The following ASCC3 variants were observed in gnomAD, a reference collection of about 807,000 sequenced individuals.
ASCC3 encodes activating signal cointegrator 1 complex subunit 3.
Under a neutral mutation model 256.3 loss-of-function variants are expected in ASCC3, and 158 were observed. That is an observed-to-expected ratio of 0.62 (90% CI 0.54 to 0.70). The LOEUF (loss-of-function observed/expected upper bound fraction) is 0.70, where lower values mean the gene tolerates loss of function less well. Among genes scored for constraint, ASCC3 ranks in the 30% least tolerant of loss-of-function variants. The pLI, the probability that ASCC3 is intolerant of heterozygous loss-of-function variation, is 0.00. For missense variants in ASCC3, 2,259 were observed against 2,626.0 expected (o/e 0.86, Z 3.05); for synonymous variants, 948 against 883.4 (o/e 1.07, Z -1.30).
At chr6:100,557,492 G>A (rs1038292325) in intron 36 of ASCC3, among the ~76,000 whole-genome samples, 2 of 151,878 alleles carry the variant, frequency 1.3e-5, no homozygotes, top group Admixed American at 6.6e-5. Context: ...ATAATAAAAC[G>A]TTTGCCTTGT....
intron 14 of ASCC3, among the ~76,000 whole-genome samples, chr6:100,672,262 C>T (rs951623303): frequency 1.8e-4 from 28 of 152,034 alleles, no homozygotes; most frequent in African/African-American, 6.3e-4. Flanking sequence ...GCTCCATAAG[C>T]GTAAAGGGAT....
rs562160641 is a variant in ASCC3 at position 100,635,272 on chromosome 6, A to T, written c.4122+3329T>A. Among the ~76,000 whole-genome samples, 5 of 152,286 alleles carry T rather than the reference A, an allele frequency of 3.3e-5. No individual in the cohort carries two copies. The South Asian group carries it at 1.0e-3, about 32-fold the overall frequency. On this transcript the variant is annotated intron_variant, in intron 25 of 41. Coordinates refer to ENST00000369162, the MANE Select transcript of ASCC3 (RefSeq NM_006828.4). ...TATTATTCAGCTTTAAAGAAGAATG[A>T]AATCAGCCATTTTCAACAATATAGA...
At chr6:100,557,602 G>A (rs368707134) in intron 36 of ASCC3, among the ~76,000 whole-genome samples, 115 of 149,718 alleles carry the variant, frequency 7.7e-4, no homozygotes, top group Middle Eastern at 3.4e-3. Context: ...TTTTACAGTT[G>A]CTGTTTACCT....
chr6:100,800,753 G>C (rs6921505), intron 5 of ASCC3, among the ~76,000 whole-genome samples: 147,876 of 151,896 alleles, frequency 0.97, 72,113 homozygotes, highest in East Asian at 1. Flanking sequence ...CAATGTCACT[G>C]ACATTATAAA....
At chr6:100,633,045 C>T (rs562062672) in intron 25 of ASCC3, among the ~76,000 whole-genome samples, 14 of 151,910 alleles carry the variant, frequency 9.2e-5, no homozygotes, top group Non-Finnish European at 1.9e-4. Flanking sequence ...AATGACAAAA[C>T]GAAAGAAAAT....
In ASCC3 at chr6:100,848,330, C is replaced by G. The variant is rs761598682; in HGVS notation, c.619G>C (p.Ala207Pro). ...ACAGGCTTGAGTTCTGGGGTGCAAG[C>G]CTCCTGGAGATGTTCATTCAGAAAC... ...KKFLNEHLQE[A>P]CTPELKPVEK... is the part of the protein sequence containing the mutation. The change falls in exon 4 of 42, where the codon GCT (alanine) becomes CCT (proline). Residue 207 changes from alanine to proline, a missense_variant. Physicochemically the swap from Ala to Pro is conservative, Grantham distance 27 (BLOSUM62 -1). Coordinates refer to ENST00000369162, the MANE Select transcript of ASCC3 (RefSeq NM_006828.4). 3 of 1,614,066 alleles carry G rather than the reference C, an allele frequency of 1.9e-6. No homozygotes were observed. Among genetic ancestry groups the G allele is most frequent in the Non-Finnish European group, 2.5e-6 (3 of 1,180,012 alleles).
chr6:100,745,945 A>G (rs1473617475), intron 10 of ASCC3, among the ~76,000 whole-genome samples: 1 of 151,966 alleles, frequency 6.6e-6, no homozygotes, highest in Non-Finnish European at 1.5e-5. Flanking sequence ...TTAGATATAT[A>G]TCTATCGACA....
intron 3 of ASCC3, 95 bp from the exon 4 acceptor site, chr6:100,848,802 A>T (rs768472317): frequency 9.1e-5 from 111 of 1,215,302 alleles, no homozygotes; most frequent in Non-Finnish European, 2.1e-5. Flanking sequence ...TCCTGAGTAA[A>T]TCTAACAGTC....
chr6:100,666,432 G>C (rs1326861608), intron 14 of ASCC3, among the ~76,000 whole-genome samples: 5 of 152,070 alleles, frequency 3.3e-5, no homozygotes, highest in Non-Finnish European at 4.4e-5. Context: ...TTTTGCATTT[G>C]CATCAGCATT....
intron 5 of ASCC3, among the ~76,000 whole-genome samples, chr6:100,802,951 T>C (rs771600431): frequency 1.3e-5 from 2 of 152,054 alleles, no homozygotes; most frequent in Non-Finnish European, 2.9e-5. Flanking sequence ...GAGGCTGCAG[T>C]GATCCCTGAT....
chr6:100,829,286 C>T (rs183564301), intron 4 of ASCC3, among the ~76,000 whole-genome samples: 270 of 152,212 alleles, frequency 1.8e-3, no homozygotes, highest in African/African-American at 6.3e-3. Flanking sequence ...CAGGGGGCGG[C>T]GCTCATGGAG....
At position 100,859,247 on chromosome 6, in the gene ASCC3, A is replaced by T. The variant is rs764823315; in HGVS notation, c.241+4817T>A. 7 of 778,850 alleles carry T rather than the reference A, an allele frequency of 9.0e-6. No individual in the cohort carries two copies. In the East Asian group the frequency reaches 1.7e-4, roughly 19 times the overall value. The allele number at this position is 778,850 out of a possible 1,614,324, so 48.2% of individuals were successfully genotyped here. A position where few individuals can be genotyped will look rare whatever the true frequency, so the allele number is the denominator to read the frequency against. On this transcript the variant is annotated intron_variant, in intron 3 of 41. Coordinates refer to ENST00000369162, the MANE Select transcript of ASCC3 (RefSeq NM_006828.4). The stretch of plus-strand genomic sequence containing the variant: ...ATGCCAGGATCACATTTTCTGGGTT[A>T]ATTTCTGCTTCCACATCTTGGCCCC...
rs191381648 is a variant in ASCC3, at chr6:100,606,609, G to A, written c.5044+131C>T. On this transcript the variant is annotated intron_variant, in intron 32 of 41. Coordinates refer to ENST00000369162, the MANE Select transcript of ASCC3 (RefSeq NM_006828.4). ...AACTGAAAACAAAAAGTCTATAATT[G>A]CTTATCATCTGTTTAAATGTGACCA... is the stretch of plus-strand genomic sequence containing the variant. The A allele has an allele frequency of 7.6e-3, 7,654 of 1,008,298 alleles. 41 individuals carry two copies. Among genetic ancestry groups the A allele is most frequent in the Non-Finnish European group, 8.7e-3 (6,187 of 712,708 alleles). The allele number at this position is 1,008,298 out of a possible 1,614,324, so 62.5% of individuals were successfully genotyped here.
chr6:100,561,098 A>T (rs1032995295), intron 36 of ASCC3, among the ~76,000 whole-genome samples: 1 of 151,522 alleles, frequency 6.6e-6, no homozygotes, highest in African/African-American at 2.4e-5. Context: ...GATGTGGTGG[A>T]TATCTGTAGA....
At chr6:100,628,730 C>T (rs1036690908) in intron 27 of ASCC3, among the ~76,000 whole-genome samples, 1 of 152,016 alleles carries the variant, frequency 6.6e-6, no homozygotes, top group African/African-American at 2.4e-5. Flanking sequence ...GCCAATTAAA[C>T]CTCTTTTTAA....
chr6:100,756,317 G>T (rs9322174), intron 10 of ASCC3, among the ~76,000 whole-genome samples: 3 of 151,764 alleles, frequency 2.0e-5, no homozygotes, highest in Admixed American at 1.3e-4. Context: ...CTTCCTTAGA[G>T]GTAATGTATG....
intron 13 of ASCC3, among the ~76,000 whole-genome samples, chr6:100,693,931 T>G (rs1777956954): frequency 6.6e-6 from 1 of 152,086 alleles, no homozygotes; most frequent in Admixed American, 6.6e-5. Context: ...ACATCTCTTT[T>G]CTCACTTCCA....
intron 2 of ASCC3, among the ~76,000 whole-genome samples, chr6:100,865,659 G>C (rs962955275): frequency 1.4e-4 from 22 of 152,082 alleles, no homozygotes; most frequent in African/African-American, 5.3e-4. Flanking sequence ...ACTGCATAAG[G>C]ACTTTTAGCA....
intron 15 of ASCC3, 53 bp from the exon 16 acceptor site, chr6:100,662,083 C>T (rs1217403268): frequency 2.0e-6 from 3 of 1,514,648 alleles, no homozygotes; most frequent in Non-Finnish European, 2.7e-6. Flanking sequence ...AAATATAATC[C>T]TGATGAACTG....
Sources: gnomAD v4.1 joint callset for allele counts (sites outside exome capture counted in the v4.1 genomes callset) on GRCh38, gnomAD v4.1.1 for gene constraint, MANE v1.5 for transcripts, NCBI Gene and HGNC (gene_info 2026-07-23, HGNC 2026-07-21) for gene names.